FMN2: variants seen among roughly 807,000 people sequenced by gnomAD.
FMN2 encodes the protein formin 2, also known as formin-2.
In FMN2, 51 loss-of-function variants were observed where a neutral mutation model predicts 142.3. The ratio of observed to expected loss-of-function variants is 0.36; its 90% CI spans 0.29 to 0.45. The LOEUF (loss-of-function observed/expected upper bound fraction) is 0.45, where lower values mean the gene tolerates loss of function less well. Ranked by LOEUF, FMN2 falls within the 20% of genes least tolerant of loss-of-function variation. The pLI, the probability that FMN2 is intolerant of heterozygous loss-of-function variation, is 1.00. For synonymous variants in FMN2, 882 were observed against 869.8 expected (o/e 1.01, Z -0.25); for missense variants, 1,936 against 2,122.8 (o/e 0.91, Z 1.73).
intron 10 of FMN2, 133 bp downstream of exon 10, chr1:240,329,601 G>A: frequency 4.1e-6 from 5 of 1,209,768 alleles, no homozygotes; most frequent in Non-Finnish European, 5.7e-6. Flanking sequence ...TCCCACAGAA[G>A]GGAACATTTT....
chr1:240,212,815 A>T (rs1666743999), intron 6 of FMN2, among the ~76,000 whole-genome samples: 1 of 152,200 alleles, frequency 6.6e-6, no homozygotes, highest in African/African-American at 2.4e-5. Context: ...GAGAAGAGTC[A>T]GGCAGCCGGA....
In FMN2 at chr1:240,094,945, C is replaced by CT. The variant is rs1180151040; in HGVS notation, c.1615+1223dup. ...TCTGTGGGCCACCTTTTATTTTGCC[C>CT]TTATAGGGTCTTACCCTTAAAAGTA... On this transcript the variant is annotated intron_variant, in intron 1 of 17. Coordinates refer to ENST00000319653, the MANE Select transcript of FMN2 (RefSeq NM_020066.5). Among the ~76,000 whole-genome samples, 5 of 152,170 alleles carry CT rather than the reference C, an allele frequency of 3.3e-5. No homozygotes were observed. The East Asian group carries it at 9.7e-4, about 29-fold the overall frequency.
chr1:240,273,538 A>G (rs143564499), intron 7 of FMN2, among the ~76,000 whole-genome samples: 95 of 152,190 alleles, frequency 6.2e-4, no homozygotes, highest in Middle Eastern at 3.4e-3. Context: ...TGTGGTTCTT[A>G]GCTATAGAGC....
chr1:240,317,803 T>C (rs1670841416), intron 8 of FMN2, among the ~76,000 whole-genome samples: 1 of 152,208 alleles, frequency 6.6e-6, no homozygotes, highest in African/African-American at 2.4e-5. Flanking sequence ...TGTGTATATT[T>C]ACGTTTTAAG....
intron 15 of FMN2, among the ~76,000 whole-genome samples, chr1:240,394,713 A>G (rs1306797870): frequency 1.3e-5 from 2 of 152,142 alleles, no homozygotes; most frequent in Non-Finnish European, 2.9e-5. Context: ...CAAGCCTGTA[A>G]TCCTAGCACT....
chr1:240,421,496 T>C (rs1674761714), intron 15 of FMN2, among the ~76,000 whole-genome samples: 1 of 152,180 alleles, frequency 6.6e-6, no homozygotes, highest in African/African-American at 2.4e-5. Flanking sequence ...TCTATGTTTA[T>C]GTTCATTTTT....
At chr1:240,319,762 G>T (rs1052684988) in intron 8 of FMN2, among the ~76,000 whole-genome samples, 1 of 152,126 alleles carries the variant, frequency 6.6e-6, no homozygotes, top group Non-Finnish European at 1.5e-5. Flanking sequence ...CTTTGTTCGT[G>T]TATTTGGCCA....
rs539319369 is a variant in FMN2 at position 240,217,685 on chromosome 1, C to T, written c.4065+6450C>T. Among the ~76,000 whole-genome samples, 332 of 151,296 alleles carry T rather than the reference C, an allele frequency of 2.2e-3. 1 individual carries two copies. The highest frequency in any genetic ancestry group is 7.6e-3 in the African/African-American group (315 of 41,318). ...TATTTTTTTTTTGAAGATGCTATTC[C>T]TATAACTATTTGTAGAGCATACCCA... On this transcript the variant is annotated intron_variant, in intron 6 of 17. Coordinates refer to ENST00000319653, the MANE Select transcript of FMN2 (RefSeq NM_020066.5).
intron 13 of FMN2, among the ~76,000 whole-genome samples, chr1:240,340,009 A>C (rs1671695183): frequency 6.6e-6 from 1 of 152,144 alleles, no homozygotes; most frequent in Admixed American, 6.5e-5. Context: ...ACAATTTTAT[A>C]ACATGCTATA....
At chr1:240,334,835 C>CT (rs904655335) in intron 13 of FMN2, among the ~76,000 whole-genome samples, 2 of 152,024 alleles carry the variant, frequency 1.3e-5, no homozygotes, top group African/African-American at 4.8e-5. Context: ...ATCCCCTTTT[C>CT]TTGATATTCT....
At chr1:240,412,464 A>C (rs888633668) in intron 15 of FMN2, among the ~76,000 whole-genome samples, 12 of 152,078 alleles carry the variant, frequency 7.9e-5, no homozygotes, top group African/African-American at 2.9e-4. Context: ...TTTTAAAACC[A>C]CTTTTGGTTG....
intron 1 of FMN2, among the ~76,000 whole-genome samples, chr1:240,111,060 A>G (rs1661791189): frequency 1.3e-5 from 2 of 152,218 alleles, no homozygotes; most frequent in Admixed American, 1.3e-4. Flanking sequence ...TTTGAAGTAT[A>G]TCTTGATCAT....
intron 15 of FMN2, among the ~76,000 whole-genome samples, chr1:240,421,433 C>T (rs373531939): frequency 1.2e-4 from 19 of 152,178 alleles, no homozygotes; most frequent in African/African-American, 4.6e-4. Context: ...AAATTGTTGA[C>T]CAATAATTTA....
intron 6 of FMN2, among the ~76,000 whole-genome samples, chr1:240,218,826 G>C (rs1667003563): frequency 6.6e-6 from 1 of 152,090 alleles, no homozygotes; most frequent in South Asian, 2.1e-4. Flanking sequence ...ATTTATTGTG[G>C]AACAACCCAA....
chr1:240,397,324 A>G lies in FMN2; in HGVS notation c.4910+4762A>G, dbSNP rs147828973. Among the ~76,000 whole-genome samples, 94 of 152,198 alleles carry G rather than the reference A, an allele frequency of 6.2e-4. 3 individuals are homozygous for G. The East Asian group carries it at 0.018, about 28-fold the overall frequency. On this transcript the variant is annotated intron_variant, in intron 15 of 17. Transcript: ENST00000319653. The stretch of plus-strand genomic sequence containing the variant: ...TTGTTTTTGCTTGTTGATTTGTTTA[A>G]GTTCCTTGTAGTATTGCAATCTTGA...
rs186349182 is a variant in FMN2, at chr1:240,198,219, A to G, written c.1987-8580A>G. On this transcript the variant is annotated intron_variant, in intron 4 of 17. Transcript: ENST00000319653. The stretch of plus-strand genomic sequence containing the variant: ...ACTCTAGCTCAAATAAGTAGAAAGA[A>G]ACTTCTCAATATGTGAGCAGGAACC... Among the ~76,000 whole-genome samples the G allele has an allele frequency of 3.9e-3, 598 of 152,308 alleles. 5 individuals carry two copies. Among genetic ancestry groups the G allele is most frequent in the African/African-American group, 0.014 (565 of 41,566 alleles).
Position 240,214,887 on chromosome 1 carries a change from G to A in FMN2, c.4065+3652G>A, listed in dbSNP as rs149661222. Among the ~76,000 whole-genome samples the A allele has an allele frequency of 5.6e-3, 859 of 152,254 alleles. 13 individuals carry two copies. The highest frequency in any genetic ancestry group is 0.02 in the African/African-American group (819 of 41,544). On this transcript the variant is annotated intron_variant, in intron 6 of 17. Coordinates refer to ENST00000319653, the MANE Select transcript of FMN2 (RefSeq NM_020066.5). ...TCGAGACCAGCCTGGGGAACATGGG[G>A]AAATTCTGAATCTATAAAAAATATA...
intron 15 of FMN2, among the ~76,000 whole-genome samples, chr1:240,412,211 C>A (rs528534350): frequency 2.6e-5 from 4 of 152,252 alleles, no homozygotes; most frequent in Admixed American, 6.5e-5. Flanking sequence ...AGAATAATTA[C>A]AATGTATGCC....
chr1:240,176,949 G>T (rs1664943528), intron 2 of FMN2, among the ~76,000 whole-genome samples: 1 of 152,152 alleles, frequency 6.6e-6, no homozygotes, highest in Admixed American at 6.5e-5. Context: ...TTCTTAATTT[G>T]TTAAATACAG....
Sources: gnomAD v4.1 joint callset for allele counts (sites outside exome capture counted in the v4.1 genomes callset) on GRCh38, gnomAD v4.1.1 for gene constraint, MANE v1.5 for transcripts, NCBI Gene and HGNC (gene_info 2026-07-23, HGNC 2026-07-21) for gene names.